The following RSRC1 variants were observed in gnomAD, a reference collection of about 807,000 sequenced individuals.
The protein encoded by RSRC1 is arginine and serine rich coiled-coil 1, also known as serine/Arginine-related protein 53.
A neutral mutation model predicts 49.1 loss-of-function variants in RSRC1; 39 were observed. The observed-to-expected ratio is 0.79, with a 90% CI of 0.61 to 1.04. RSRC1 has a LOEUF of 1.04. RSRC1 is among the 50% of genes least tolerant of loss of function. RSRC1 has a pLI of 0.00. For missense variants in RSRC1, 388 were observed against 402.4 expected, an observed-to-expected ratio of 0.96 and a Z score of 0.31; for synonymous variants, 143 against 130.8, an observed-to-expected ratio of 1.09 and a Z score of -0.63.
At chr3:158,338,412 AC>A (rs1730037970) in intron 5 of RSRC1, among the ~76,000 whole-genome samples, 1 of 152,192 alleles carries the variant, frequency 6.6e-6, no homozygotes, top group South Asian at 2.1e-4. Flanking sequence ...TCTAGCTTAG[AC>A]CTTGATCCTA....
intron 4 of RSRC1, among the ~76,000 whole-genome samples, chr3:158,240,531 A>G (rs1723512134): frequency 6.6e-6 from 1 of 152,090 alleles, no homozygotes; most frequent in African/African-American, 2.4e-5. Flanking sequence ...GATTTGGTTT[A>G]TTTACTTAAT....
chr3:158,411,043 G>A (rs9821945), intron 6 of RSRC1, among the ~76,000 whole-genome samples: 11,213 of 151,924 alleles, frequency 0.074, 1,428 homozygotes, highest in African/African-American at 0.26. Flanking sequence ...CTTTTGAATG[G>A]GAATCATACA....
intron 3 of RSRC1, chr3:158,132,079 A>G (rs1373266575): frequency 2.3e-6 from 1 of 435,904 alleles, no homozygotes; most frequent in African/African-American, 2.0e-5. Context: ...TACCTCCTTC[A>G]CTCAAGGTAT....
chr3:158,386,722 A>G (rs1732987705), intron 6 of RSRC1, among the ~76,000 whole-genome samples: 1 of 151,962 alleles, frequency 6.6e-6, no homozygotes, highest in South Asian at 2.1e-4. Context: ...TAGGGTTTAT[A>G]GTCTTTGTTG....
intron 4 of RSRC1, among the ~76,000 whole-genome samples, chr3:158,239,703 C>A (rs936716041): frequency 6.3e-4 from 96 of 151,884 alleles, no homozygotes; most frequent in African/African-American, 2.2e-3. Context: ...TGCACATGTA[C>A]CCTAGAACTT....
chr3:158,477,204 A>G (rs557429095), intron 7 of RSRC1, among the ~76,000 whole-genome samples: 68 of 152,300 alleles, frequency 4.5e-4, no homozygotes, highest in African/African-American at 1.5e-3. Flanking sequence ...GGAAATTACA[A>G]CAAAGGCTGT....
At chr3:158,315,221 A>G (rs1728362152) in intron 5 of RSRC1, among the ~76,000 whole-genome samples, 1 of 152,166 alleles carries the variant, frequency 6.6e-6, no homozygotes, top group African/African-American at 2.4e-5. Flanking sequence ...GTTGGAGTAC[A>G]TGCACATATA....
At chr3:158,171,968 A>G (rs1350150812) in intron 3 of RSRC1, among the ~76,000 whole-genome samples, 3 of 151,956 alleles carry the variant, frequency 2.0e-5, no homozygotes, top group Non-Finnish European at 4.4e-5. Flanking sequence ...AACAACAACA[A>G]CAACAACAAC....
chr3:158,445,578 C>T (rs1031628481), intron 6 of RSRC1, among the ~76,000 whole-genome samples: 1 of 152,020 alleles, frequency 6.6e-6, no homozygotes, highest in Non-Finnish European at 1.5e-5. Flanking sequence ...GGGTGCGGCA[C>T]ACCAACATGG....
chr3:158,351,676 A>G (rs1730882241), intron 5 of RSRC1, among the ~76,000 whole-genome samples: 3 of 151,730 alleles, frequency 2.0e-5, no homozygotes, highest in Admixed American at 1.3e-4. Context: ...TGAGTATCCT[A>G]GTGATTTAGT....
At chr3:158,411,317 A>G (rs1375780902) in intron 6 of RSRC1, among the ~76,000 whole-genome samples, 1 of 152,076 alleles carries the variant, frequency 6.6e-6, no homozygotes, top group East Asian at 1.9e-4. Context: ...TATACCTAAA[A>G]GTGGAATTGC....
At chr3:158,138,334 C>T (rs1716534165) in intron 3 of RSRC1, among the ~76,000 whole-genome samples, 1 of 152,182 alleles carries the variant, frequency 6.6e-6, no homozygotes, top group Non-Finnish European at 1.5e-5. Flanking sequence ...CAATATTTAG[C>T]ACAGTATCAA....
chr3:158,260,142 G>GAA (rs772317437), intron 4 of RSRC1, among the ~76,000 whole-genome samples: 22 of 93,062 alleles, frequency 2.4e-4, no homozygotes, highest in Admixed American at 5.5e-4. Context: ...CTTTTCTGAA[G>GAA]GAGGAGTCTC....
chr3:158,322,362 G>T lies in RSRC1; in HGVS notation c.531+24287G>T, dbSNP rs551113536. ...TCCTCCTGCCTTGGCCTCCCAAAGG[G>T]CTGGGATTACAGGTGTGAGCCACTG... On this transcript the variant is annotated intron_variant, in intron 5 of 9. Transcript: ENST00000611884. Among the ~76,000 whole-genome samples, 31 of 152,204 alleles carry T rather than the reference G, an allele frequency of 2.0e-4. No individual in the cohort carries two copies. In the East Asian group the frequency reaches 4.3e-3, roughly 21 times the overall value.
intron 6 of RSRC1, among the ~76,000 whole-genome samples, chr3:158,445,109 A>G (rs1736624416): frequency 6.6e-6 from 1 of 152,200 alleles, no homozygotes; most frequent in Admixed American, 6.5e-5. Flanking sequence ...TTCCTCAAGG[A>G]TCTAGAACTA....
chr3:158,501,023 C>T (rs1488824571), intron 7 of RSRC1, among the ~76,000 whole-genome samples: 1 of 152,024 alleles, frequency 6.6e-6, no homozygotes, highest in Non-Finnish European at 1.5e-5. Flanking sequence ...CTTAGCACTG[C>T]CTTTGCTGTA....
At chr3:158,264,721 T>A (rs1725076245) in intron 4 of RSRC1, among the ~76,000 whole-genome samples, 2 of 152,344 alleles carry the variant, frequency 1.3e-5, no homozygotes, top group Admixed American at 6.5e-5. Flanking sequence ...CCCTTAAGTC[T>A]TGCTTTTATG....
At chr3:158,315,722 T>C (rs1489924046) in intron 5 of RSRC1, among the ~76,000 whole-genome samples, 1 of 152,214 alleles carries the variant, frequency 6.6e-6, no homozygotes, top group Non-Finnish European at 1.5e-5. Context: ...TAGACAGATT[T>C]ACTTGCTTGT....
At chr3:158,409,097 G>A (rs1430284038) in intron 6 of RSRC1, among the ~76,000 whole-genome samples, 18 of 151,976 alleles carry the variant, frequency 1.2e-4, no homozygotes, top group African/African-American at 3.4e-4. Flanking sequence ...ACACAGACAC[G>A]TAGAGGGGAA....
Sources: gnomAD v4.1 joint callset for allele counts (sites outside exome capture counted in the v4.1 genomes callset) on GRCh38, gnomAD v4.1.1 for gene constraint, MANE v1.5 for transcripts, NCBI Gene and HGNC (gene_info 2026-07-23, HGNC 2026-07-21) for gene names.